ZSWIM3: variants seen among roughly 807,000 people sequenced by gnomAD.
ZSWIM3 encodes zinc finger SWIM-type containing 3.
A neutral mutation model predicts 47.5 loss-of-function variants in ZSWIM3; 27 were observed. That is an observed-to-expected ratio of 0.57 (90% CI 0.42 to 0.78). The LOEUF (loss-of-function observed/expected upper bound fraction) is 0.78. Ranked by LOEUF, ZSWIM3 falls within the 30% of genes least tolerant of loss-of-function variation. The pLI, the probability that ZSWIM3 is intolerant of heterozygous loss-of-function variation, is 0.00. For missense variants in ZSWIM3, 689 were observed against 861.3 expected, an observed-to-expected ratio of 0.80 and a Z score of 2.50; for synonymous variants, 333 against 333.9, an observed-to-expected ratio of 1.00 and a Z score of 0.03.
chr20:45,863,058 T>C (rs1985747875), intron 1 of ZSWIM3, among the ~76,000 whole-genome samples: 2 of 152,236 alleles, frequency 1.3e-5, no homozygotes, highest in South Asian at 4.1e-4. Flanking sequence ...CAGCATGCTA[T>C]TTAGACATAG....
chr20:45,869,599 G>A (rs1356589588), intron 1 of ZSWIM3, among the ~76,000 whole-genome samples: 2 of 152,000 alleles, frequency 1.3e-5, no homozygotes, highest in Non-Finnish European at 2.9e-5. Context: ...ATGGCTTATT[G>A]CAGATACTTA....
chr20:45,872,436 T>A (rs1985995740), intron 1 of ZSWIM3, among the ~76,000 whole-genome samples: 1 of 152,228 alleles, frequency 6.6e-6, no homozygotes, highest in African/African-American at 2.4e-5. Context: ...AAAGTCAATA[T>A]AACTTGATGA....
intron 1 of ZSWIM3, among the ~76,000 whole-genome samples, chr20:45,873,839 A>T (rs1986030155): frequency 6.6e-6 from 1 of 152,222 alleles, no homozygotes; most frequent in African/African-American, 2.4e-5. Context: ...AATGCTATGA[A>T]TTCAGAGGCA....
Position 45,857,770 on chromosome 20 carries a change from G to C in ZSWIM3, c.-56G>C. 1 of 1,594,602 alleles carries C rather than the reference G, an allele frequency of 6.3e-7. No individual in the cohort carries two copies. The highest frequency in any genetic ancestry group is 8.6e-7 in the Non-Finnish European group (1 of 1,168,606). On this transcript the variant is annotated 5_prime_UTR_variant, in exon 1 of 2. Transcript: ENST00000255152. ...CTCATAGTGTGACCTTTGACCCCTG[G>C]TGTGATCTTGGGCCCGGGCTGGGAC...
chr20:45,878,403 G>T lies in ZSWIM3; in HGVS notation c.1845G>T (p.Arg615=), dbSNP rs1986160799. The T allele has an allele frequency of 6.2e-7, 1 of 1,614,252 alleles. No homozygotes were observed. The highest frequency in any genetic ancestry group is 2.2e-5 in the East Asian group (1 of 44,892). Residue 615 remains arginine, a synonymous_variant, in exon 2 of 2, where the codon CGG becomes CGT. Transcript: ENST00000255152. ...PNTGQPEKQG[R]NDMIQDLSRE... The stretch of plus-strand genomic sequence containing the variant: ...CAGGCCAGCCTGAGAAGCAAGGACG[G>T]AACGACATGATTCAGGACCTAAGCA...
intron 1 of ZSWIM3, among the ~76,000 whole-genome samples, chr20:45,869,767 G>A (rs77928426): frequency 0.026 from 4,021 of 151,994 alleles, 191 homozygotes; most frequent in African/African-American, 0.092. Context: ...CTTTCTTGCC[G>A]GGCGTGGTGG....
At chr20:45,859,816 A>AAAAAC (rs146830909) in intron 1 of ZSWIM3, among the ~76,000 whole-genome samples, 5 of 129,378 alleles carry the variant, frequency 3.9e-5, no homozygotes, top group Non-Finnish European at 8.0e-5. Context: ...AAAAAAAAAA[A>AAAAAC]CCACAGTTGC....
chr20:45,868,244 CAAAG>C (rs1363986875), intron 1 of ZSWIM3, among the ~76,000 whole-genome samples: 2 of 152,050 alleles, frequency 1.3e-5, no homozygotes, highest in Non-Finnish European at 1.5e-5. Context: ...TACCAGTTAA[CAAAG>C]GAAGAAGGGA....
At chr20:45,858,163 T>C (rs1985592988) in intron 1 of ZSWIM3, among the ~76,000 whole-genome samples, 183 bp downstream of exon 1, 3 of 152,128 alleles carry the variant, frequency 2.0e-5, no homozygotes. Context: ...CGGCCATTGG[T>C]TTTTGACCAC....
chr20:45,862,150 GT>G (rs554675361), intron 1 of ZSWIM3, among the ~76,000 whole-genome samples: 8,303 of 141,944 alleles, frequency 0.058, 246 homozygotes, highest in South Asian at 0.13. Context: ...GTTTTTTTTG[GT>G]TTTTTTTTTT....
At position 45,857,654 on chromosome 20, in the gene ZSWIM3, C is replaced by G. The variant is rs1200501388; in HGVS notation, c.-172C>G. 1.2e-5 allele frequency: 9 copies of G among 777,744 alleles called. No homozygotes were observed. Among genetic ancestry groups the G allele is most frequent in the East Asian group, 7.5e-5 (3 of 40,232 alleles). 48.2% of individuals were successfully genotyped at this position (777,744 alleles called of 1,614,324 possible). A position where few individuals can be genotyped will look rare whatever the true frequency, so the allele number is the denominator to read the frequency against. On this transcript the variant is annotated 5_prime_UTR_variant, in exon 1 of 2. Coordinates refer to ENST00000255152, the MANE Select transcript of ZSWIM3 (RefSeq NM_080752.4). ...CACCCCCTTCCTCTTGTAACCCGGTCAGGCCTAGGGTTCCTCCCTGAGTTC... is the reference window on the plus strand; with the variant it reads ...CACCCCCTTCCTCTTGTAACCCGGTGAGGCCTAGGGTTCCTCCCTGAGTTC...
intron 1 of ZSWIM3, among the ~76,000 whole-genome samples, chr20:45,862,393 G>A (rs999684248): frequency 1.3e-5 from 2 of 151,972 alleles, no homozygotes; most frequent in South Asian, 4.2e-4. Flanking sequence ...TGATCCACCC[G>A]CCTCAGCCTC....
At chr20:45,860,236 C>T (rs897331521) in intron 1 of ZSWIM3, among the ~76,000 whole-genome samples, 3 of 152,092 alleles carry the variant, frequency 2.0e-5, no homozygotes, top group African/African-American at 7.2e-5. Context: ...CATTTCCCGC[C>T]GGGTGCAGTG....
At chr20:45,865,689 G>T (rs972374266) in intron 1 of ZSWIM3, among the ~76,000 whole-genome samples, 1 of 151,960 alleles carries the variant, frequency 6.6e-6, no homozygotes, top group Non-Finnish European at 1.5e-5. Flanking sequence ...AATGAGAAGG[G>T]TGTGGCAATG....
intron 1 of ZSWIM3, among the ~76,000 whole-genome samples, chr20:45,871,788 G>A (rs890030079): frequency 6.6e-6 from 1 of 150,890 alleles, no homozygotes; most frequent in East Asian, 1.9e-4. Flanking sequence ...TTGAACCCAG[G>A]AGGCAGAGGT....
chr20:45,859,947 T>C (rs1303195588), intron 1 of ZSWIM3, among the ~76,000 whole-genome samples: 1 of 151,728 alleles, frequency 6.6e-6, no homozygotes, highest in African/African-American at 2.4e-5. Context: ...TTCAGGGAAA[T>C]AGGTGCTGCG....
chr20:45,876,032 TTTTTTTG>T (rs542841567), intron 1 of ZSWIM3, among the ~76,000 whole-genome samples: 635 of 26,422 alleles, frequency 0.024, 1 homozygote, highest in African/African-American at 0.06. Context: ...TTGTTTTTTG[TTTTTTTG>T]TTTTTTTGTT....
chr20:45,865,367 A>AGTC (rs1406933604), intron 1 of ZSWIM3, among the ~76,000 whole-genome samples: 1 of 151,328 alleles, frequency 6.6e-6, no homozygotes, highest in East Asian at 1.9e-4. Context: ...GGGCGCCTGT[A>AGTC]GTCCCAGCTA....
rs998597575 is a variant in ZSWIM3, at chr20:45,871,034, T to C, written c.156-5680T>C. Among the ~76,000 whole-genome samples the C allele has an allele frequency of 2.0e-5, 3 of 152,218 alleles. No homozygotes were observed. The South Asian group carries it at 6.2e-4, about 32-fold the overall frequency. On this transcript the variant is annotated intron_variant, in intron 1 of 1. Transcript: ENST00000255152. ...TGCAAGCTGTTGTTTGAATCATGAA[T>C]TCCAAACTTAATGAGTGCTAGGTTG... is the stretch of plus-strand genomic sequence containing the variant.
Sources: gnomAD v4.1 joint callset for allele counts (sites outside exome capture counted in the v4.1 genomes callset) on GRCh38, gnomAD v4.1.1 for gene constraint, MANE v1.5 for transcripts, NCBI Gene and HGNC (gene_info 2026-07-23, HGNC 2026-07-21) for gene names.